The following KLF15 variants were observed in gnomAD, a reference collection of about 807,000 sequenced individuals.
KLF15 encodes the protein Krueppel-like factor 15.
Under a neutral mutation model 24.6 loss-of-function variants are expected in KLF15, and 4 were observed. The ratio of observed to expected loss-of-function variants is 0.16; its 90% CI spans 0.08 to 0.37. The LOEUF (loss-of-function observed/expected upper bound fraction) is 0.37, where lower values mean the gene tolerates loss of function less well. Among genes scored for constraint, KLF15 ranks in the 10% least tolerant of loss-of-function variants. KLF15 has a pLI of 1.00. For synonymous variants in KLF15, 246 were observed against 236.3 expected, an observed-to-expected ratio of 1.04 and a Z score of -0.37; for missense variants, 496 against 560.6, an observed-to-expected ratio of 0.88 and a Z score of 1.16.
At chr3:126,301,807 G>A in the KLF15 span, among the ~76,000 whole-genome samples, 1 of 151,626 alleles carries the variant, frequency 6.6e-6, no homozygotes, top group African/African-American at 2.4e-5. Context: ...TAGAGACGGG[G>A]TTTCACTATG....
chr3:126,338,510 C>A (rs1016711222), downstream of KLF15, among the ~76,000 whole-genome samples: 1 of 152,170 alleles, frequency 6.6e-6, no homozygotes, highest in Non-Finnish European at 1.5e-5. Flanking sequence ...TCATTTCATG[C>A]GTAATGCAAA....
At chr3:126,321,866 C>T in the KLF15 span, among the ~76,000 whole-genome samples, 1 of 152,230 alleles carries the variant, frequency 6.6e-6, no homozygotes, top group African/African-American at 2.4e-5. Flanking sequence ...CTTGCCAAAG[C>T]ACCCAGGCAG....
At chr3:126,323,547 T>G in the KLF15 span, among the ~76,000 whole-genome samples, 2 of 143,054 alleles carry the variant, frequency 1.4e-5, no homozygotes, top group Admixed American at 7.3e-5. Flanking sequence ...TTAATTTTAC[T>G]TTAAGTTCTG....
chr3:126,319,915 G>A, the KLF15 span, among the ~76,000 whole-genome samples: 1 of 152,184 alleles, frequency 6.6e-6, no homozygotes, highest in African/African-American at 2.4e-5. Flanking sequence ...AGCGACAGCA[G>A]ACCAGGGACA....
At chr3:126,330,686 T>C in the KLF15 span, among the ~76,000 whole-genome samples, 1 of 152,212 alleles carries the variant, frequency 6.6e-6, no homozygotes, top group African/African-American at 2.4e-5. Context: ...AAGACATTTC[T>C]TCTTGATGAA....
At chr3:126,353,043 C>CAGG in intron 1 of KLF15, 96 bp from the exon 2 acceptor site, 1 of 1,359,380 alleles carries the variant, frequency 7.4e-7, no homozygotes, top group East Asian at 2.5e-5. Flanking sequence ...CTGCCCACAG[C>CAGG]CTCCTATTGC....
At chr3:126,291,026 C>T in the KLF15 span, 4 of 152,208 alleles carry the variant, frequency 2.6e-5, no homozygotes, top group South Asian at 2.1e-4. Flanking sequence ...CCTCAGCAGC[C>T]GCTGAAGAGG....
At chr3:126,295,964 C>T in the KLF15 span, among the ~76,000 whole-genome samples, 223 of 152,314 alleles carry the variant, frequency 1.5e-3, 1 homozygote, top group African/African-American at 5.1e-3. Context: ...TAAATTCCGA[C>T]TTGTCTGTGG....
chr3:126,303,599 T>C, the KLF15 span, among the ~76,000 whole-genome samples: 1 of 152,104 alleles, frequency 6.6e-6, no homozygotes, highest in Non-Finnish European at 1.5e-5. Context: ...TTGATCATGA[T>C]GTATCTTGGT....
intron 2 of KLF15, among the ~76,000 whole-genome samples, chr3:126,350,553 T>C (rs1003839722): frequency 6.6e-6 from 1 of 152,238 alleles, no homozygotes; most frequent in East Asian, 1.9e-4. Context: ...TCAGCCTCAC[T>C]GGCCAGAACC....
chr3:126,338,177 C>A (rs1440255570), downstream of KLF15, among the ~76,000 whole-genome samples: 2 of 152,164 alleles, frequency 1.3e-5, no homozygotes, highest in Non-Finnish European at 2.9e-5. Flanking sequence ...GTAAGGCCAC[C>A]AGCTTGGGAA....
chr3:126,311,354 A>T, the KLF15 span, among the ~76,000 whole-genome samples: 1 of 152,152 alleles, frequency 6.6e-6, no homozygotes, highest in Non-Finnish European at 1.5e-5. Flanking sequence ...GAGGGAGGCA[A>T]AGCTTCTGCT....
At chr3:126,347,729 G>T (rs1432525084) in intron 2 of KLF15, among the ~76,000 whole-genome samples, 1 of 152,224 alleles carries the variant, frequency 6.6e-6, no homozygotes, top group Non-Finnish European at 1.5e-5. Context: ...TCTCAGCCCT[G>T]TTGAGGGTGC....
At chr3:126,333,872 C>A in the KLF15 span, among the ~76,000 whole-genome samples, 1 of 147,092 alleles carries the variant, frequency 6.8e-6, no homozygotes, top group African/African-American at 2.5e-5. Flanking sequence ...GAAGAGCTAA[C>A]TATCCTAAAT....
At chr3:126,309,024 C>T in the KLF15 span, among the ~76,000 whole-genome samples, 1 of 152,188 alleles carries the variant, frequency 6.6e-6, no homozygotes, top group Admixed American at 6.5e-5. Flanking sequence ...ATAAGACTCA[C>T]ATCCTCCTCA....
chr3:126,288,783 T>C, the KLF15 span: 1 of 152,388 alleles, frequency 6.6e-6, no homozygotes, highest in South Asian at 2.1e-4. Context: ...GAGGTAGGGA[T>C]ATCTTGACAC....
chr3:126,327,831 G>A, the KLF15 span, among the ~76,000 whole-genome samples: 3 of 152,160 alleles, frequency 2.0e-5, no homozygotes, highest in Admixed American at 6.5e-5. Context: ...TGTTTAGATT[G>A]TTCACAAATG....
chr3:126,309,657 T>TA, the KLF15 span, among the ~76,000 whole-genome samples: 4 of 152,370 alleles, frequency 2.6e-5, no homozygotes, highest in African/African-American at 9.6e-5. Context: ...CCTTGGTGTC[T>TA]AACACCGTTC....
chr3:126,302,244 C>T, the KLF15 span, among the ~76,000 whole-genome samples: 2 of 152,118 alleles, frequency 1.3e-5, no homozygotes, highest in Non-Finnish European at 2.9e-5. Context: ...TGAAAATAGA[C>T]TTTATGTGAC....
Sources: gnomAD v4.1 joint callset for allele counts (sites outside exome capture counted in the v4.1 genomes callset) on GRCh38, gnomAD v4.1.1 for gene constraint, MANE v1.5 for transcripts, NCBI Gene and HGNC (gene_info 2026-07-23, HGNC 2026-07-21) for gene names.